The following FIGN variants were observed in gnomAD, a reference collection of about 807,000 sequenced individuals.
The protein encoded by FIGN is fidgetin.
Under a neutral mutation model 51.3 loss-of-function variants are expected in FIGN, and 11 were observed. That is an observed-to-expected ratio of 0.21 (90% confidence interval 0.13 to 0.35). The LOEUF (loss-of-function observed/expected upper bound fraction) is 0.35, where lower values mean the gene tolerates loss of function less well. Among genes scored for constraint, FIGN ranks in the 10% least tolerant of loss-of-function variants. The pLI, the probability that FIGN is intolerant of heterozygous loss-of-function variation, is 1.00. For missense variants in FIGN, 857 were observed against 943.6 expected, an observed-to-expected ratio of 0.91 and a Z score of 1.20; for synonymous variants, 407 against 363.2, an observed-to-expected ratio of 1.12 and a Z score of -1.37.
chr2:163,720,016 A>C (rs1684729499), intron 2 of FIGN, among the ~76,000 whole-genome samples: 1 of 152,204 alleles, frequency 6.6e-6, no homozygotes, highest in Non-Finnish European at 1.5e-5. Flanking sequence ...TGTCCAACAG[A>C]AAATGGGAAA....
chr2:163,644,885 G>A (rs1016485419), intron 2 of FIGN, among the ~76,000 whole-genome samples: 3 of 152,112 alleles, frequency 2.0e-5, no homozygotes, highest in Non-Finnish European at 4.4e-5. Flanking sequence ...TATAGAAATA[G>A]GAAACAGATT....
chr2:163,699,694 T>C (rs1684378067), intron 2 of FIGN, among the ~76,000 whole-genome samples: 1 of 152,172 alleles, frequency 6.6e-6, no homozygotes. Context: ...TAAAGTTTTA[T>C]ACTAGCTTAA....
At chr2:163,727,722 T>G (rs996603990) in intron 2 of FIGN, among the ~76,000 whole-genome samples, 3 of 152,202 alleles carry the variant, frequency 2.0e-5, no homozygotes, top group Non-Finnish European at 4.4e-5. Context: ...AGTCATCTGA[T>G]GTGAGAAATA....
chr2:163,668,455 A>C lies in FIGN; in HGVS notation c.26-56649T>G, dbSNP rs1377712281. On this transcript the variant is annotated intron_variant, in intron 2 of 2. Coordinates refer to ENST00000333129, the MANE Select transcript of FIGN (RefSeq NM_018086.4). ...GAAGCTCAAATAAGATAAAATATTC[A>C]ATTTGCCACATGCAGGACAGTGAGT... Among the ~76,000 whole-genome samples, 7 of 152,316 alleles carry C rather than the reference A, an allele frequency of 4.6e-5. No homozygotes were observed. In the East Asian group the frequency reaches 1.4e-3, roughly 29 times the overall value.
intron 2 of FIGN, among the ~76,000 whole-genome samples, chr2:163,640,450 A>G (rs920287134): frequency 2.0e-5 from 3 of 152,092 alleles, no homozygotes; most frequent in Non-Finnish European, 4.4e-5. Context: ...GTGTCTACAC[A>G]CTTATTTCTA....
chr2:163,695,706 T>C (rs1313447269), intron 2 of FIGN, among the ~76,000 whole-genome samples: 2 of 152,242 alleles, frequency 1.3e-5, no homozygotes, highest in African/African-American at 4.8e-5. Context: ...TAGTTCACAC[T>C]GTGCTTTACT....
chr2:163,645,034 A>G (rs1473347033), intron 2 of FIGN, among the ~76,000 whole-genome samples: 1 of 152,214 alleles, frequency 6.6e-6, no homozygotes, highest in Non-Finnish European at 1.5e-5. Context: ...ACCTGTGGCT[A>G]TACTAGAAAC....
At chr2:163,662,500 T>C (rs904113741) in intron 2 of FIGN, among the ~76,000 whole-genome samples, 7 of 152,192 alleles carry the variant, frequency 4.6e-5, no homozygotes, top group Non-Finnish European at 8.8e-5. Context: ...AGGAGCCTAA[T>C]GTTAATCCCC....
intron 2 of FIGN, among the ~76,000 whole-genome samples, chr2:163,613,985 C>A (rs1189520738): frequency 6.6e-6 from 1 of 152,026 alleles, no homozygotes; most frequent in African/African-American, 2.4e-5. Context: ...GCAACAGATT[C>A]TTTCTTCAAT....
chr2:163,694,212 T>G (rs1040887307), intron 2 of FIGN, among the ~76,000 whole-genome samples: 7 of 152,210 alleles, frequency 4.6e-5, no homozygotes, highest in African/African-American at 1.7e-4. Flanking sequence ...AAAATGTTTG[T>G]TTTGCCCCCA....
chr2:163,702,704 A>C (rs990618639), intron 2 of FIGN, among the ~76,000 whole-genome samples: 1 of 152,192 alleles, frequency 6.6e-6, no homozygotes, highest in African/African-American at 2.4e-5. Flanking sequence ...AATGAACTCT[A>C]ACTTGACTAT....
rs373261841 is a variant in FIGN at position 163,627,569 on chromosome 2, C to T, written c.26-15763G>A. ...CTTTTGGCCCTATCATGCAGACATC[C>T]GCCAAAAGATACAGAGAAGTAATAT... is the stretch of plus-strand genomic sequence containing the variant. On this transcript the variant is annotated intron_variant, in intron 2 of 2. Transcript: ENST00000333129. Among the ~76,000 whole-genome samples the T allele has an allele frequency of 6.9e-4, 105 of 152,090 alleles. 1 individual carries two copies. Among genetic ancestry groups the T allele is most frequent in the African/African-American group, 2.4e-3 (99 of 41,494 alleles).
At chr2:163,617,013 G>T in intron 2 of FIGN, 1 of 729,598 alleles carries the variant, frequency 1.4e-6, no homozygotes, top group Non-Finnish European at 1.7e-6. Context: ...CAATGGGAGT[G>T]ATGACCAAAT....
chr2:163,658,635 A>T (rs759585567), intron 2 of FIGN, among the ~76,000 whole-genome samples: 3 of 152,000 alleles, frequency 2.0e-5, no homozygotes, highest in Non-Finnish European at 4.4e-5. Context: ...AGCAAAGGAG[A>T]TGCCTGGCTT....
intron 2 of FIGN, among the ~76,000 whole-genome samples, chr2:163,633,231 A>G (rs560883482): frequency 6.6e-6 from 1 of 152,254 alleles, no homozygotes; most frequent in East Asian, 1.9e-4. Context: ...TCCCCAAACA[A>G]TTATAGTTAT....
chr2:163,698,209 A>T (rs749890898), intron 2 of FIGN, among the ~76,000 whole-genome samples: 2 of 152,146 alleles, frequency 1.3e-5, no homozygotes, highest in Non-Finnish European at 2.9e-5. Flanking sequence ...GTTAGAATTA[A>T]TGTTATTCTC....
intron 2 of FIGN, among the ~76,000 whole-genome samples, chr2:163,702,942 C>CTAAAAG (rs1460537316): frequency 6.6e-6 from 1 of 151,870 alleles, no homozygotes; most frequent in African/African-American, 2.4e-5. Flanking sequence ...TTTATGTTTT[C>CTAAAAG]CTTTGCCCCA....
intron 2 of FIGN, among the ~76,000 whole-genome samples, chr2:163,683,683 C>T (rs1209776540): frequency 6.6e-6 from 1 of 152,148 alleles, no homozygotes; most frequent in Non-Finnish European, 1.5e-5. Flanking sequence ...AACTGGTTCT[C>T]ACCCCCTGGA....
intron 2 of FIGN, chr2:163,612,261 T>G (rs189348549): frequency 1.1e-6 from 1 of 946,586 alleles, no homozygotes; most frequent in East Asian, 1.2e-4. Context: ...TCTGTTCACA[T>G]CACAGTTTGT....
Sources: gnomAD v4.1 joint callset for allele counts (sites outside exome capture counted in the v4.1 genomes callset) on GRCh38, gnomAD v4.1.1 for gene constraint, MANE v1.5 for transcripts, NCBI Gene and HGNC (gene_info 2026-07-23, HGNC 2026-07-21) for gene names.